The following TRPC5 variants were observed in gnomAD, a reference collection of about 807,000 sequenced individuals.
The protein encoded by TRPC5 is transient receptor potential cation channel subfamily C member 5, also known as short transient receptor potential channel 5.
TRPC5 carries 9 observed loss-of-function variants against 56.5 expected under a neutral mutation model. The observed-to-expected ratio is 0.16, with a 90% CI of 0.10 to 0.28. The LOEUF (loss-of-function observed/expected upper bound fraction) is 0.28. Among genes scored for constraint, TRPC5 ranks in the 10% least tolerant of loss-of-function variants. The probability of loss-of-function intolerance (pLI) is 1.00; values close to 1 mark genes in which losing one functional copy is unlikely to be tolerated. For missense variants in TRPC5, 469 were observed against 748.9 expected, an observed-to-expected ratio of 0.63 and a Z score of 4.36; for synonymous variants, 282 against 278.5, an observed-to-expected ratio of 1.01 and a Z score of -0.13.
chrX:111,839,330 T>C (rs1253296596), intron 6 of TRPC5, among the ~76,000 whole-genome samples: 2 of 111,853 alleles, frequency 1.8e-5, no homozygotes, highest in African/African-American at 6.5e-5. Context: ...CACCCAAGCC[T>C]TGTTCCATAA....
intron 3 of TRPC5, among the ~76,000 whole-genome samples, chrX:111,892,314 G>T (rs1924844426): frequency 1.8e-5 from 2 of 112,530 alleles, no homozygotes; most frequent in African/African-American, 6.4e-5. Flanking sequence ...TTTGGGTGAA[G>T]TCATGCTAGA....
chrX:111,790,182 G>A (rs1460857776), intron 7 of TRPC5, among the ~76,000 whole-genome samples: 1 of 111,888 alleles, frequency 8.9e-6, no homozygotes, highest in Non-Finnish European at 1.9e-5. Flanking sequence ...ATGATAGACT[G>A]GATAAAGAAA....
chrX:112,026,081 G>GC (rs762493968), intron 1 of TRPC5, among the ~76,000 whole-genome samples: 1 of 111,761 alleles, frequency 8.9e-6, no homozygotes, highest in South Asian at 3.8e-4. Flanking sequence ...ATGCATCAGT[G>GC]CCCCTGCACC....
chrX:111,993,224 C>T (rs916773518), intron 1 of TRPC5, among the ~76,000 whole-genome samples: 1 of 111,113 alleles, frequency 9.0e-6, no homozygotes, highest in Non-Finnish European at 1.9e-5. Context: ...CTGCAAAGGA[C>T]ATGAACTCAT....
chrX:112,050,405 T>C (rs1210348886), intron 1 of TRPC5, among the ~76,000 whole-genome samples: 7 of 112,206 alleles, frequency 6.2e-5, no homozygotes, highest in Admixed American at 4.7e-4. Context: ...CCTGCTCTCA[T>C]TTATAGCAGT....
intron 1 of TRPC5, among the ~76,000 whole-genome samples, chrX:111,981,354 G>T (rs1036498274): frequency 9.0e-6 from 1 of 111,371 alleles, no homozygotes; most frequent in Non-Finnish European, 1.9e-5. Context: ...TTTTATTCTA[G>T]TTAGGCCTTC....
chrX:112,033,303 G>T (rs1045908882), intron 1 of TRPC5, among the ~76,000 whole-genome samples: 2 of 107,711 alleles, frequency 1.9e-5, no homozygotes, highest in African/African-American at 6.8e-5. Context: ...CACCAACATG[G>T]CACATGTGTA....
rs944235010 is a variant in TRPC5, at chrX:112,030,031, G to C, written c.-22+51848C>G. Among the ~76,000 whole-genome samples, 5 of 111,663 alleles carry C rather than the reference G, an allele frequency of 4.5e-5. No individual in the cohort carries two copies. In the Admixed American group the frequency reaches 4.7e-4, roughly 11 times the overall value. On this transcript the variant is annotated intron_variant, in intron 1 of 10. Transcript: ENST00000262839. Reference sequence around the variant, plus strand: ...GTAGAGATTGGGTTTCTCCATGTTGGTCAGGCTGGCCTGGCACTCCCAACC... The same window carrying C: ...GTAGAGATTGGGTTTCTCCATGTTGCTCAGGCTGGCCTGGCACTCCCAACC...
At position 111,905,896 on chromosome X, in the gene TRPC5, CAG is replaced by C. The variant is rs1392448289; in HGVS notation, c.900+6393_900+6394del. 7.1e-5 allele frequency among the ~76,000 whole-genome samples: 6 copies of C among 84,077 alleles called. No homozygotes were observed. In the East Asian group the frequency reaches 2.1e-3, roughly 29 times the overall value. 73.0% of individuals were successfully genotyped at this position (84,077 alleles called of 115,157 possible). ...TGCCACTGCACTCCAGCCTGGGCGA[CAG>C]AGCGAGTCTCTGTCTCAAAAAAAAA... On this transcript the variant is annotated intron_variant, in intron 3 of 10. Transcript: ENST00000262839.
intron 2 of TRPC5, among the ~76,000 whole-genome samples, chrX:111,949,415 G>GA (rs750284338): frequency 1.8e-5 from 2 of 111,528 alleles, no homozygotes; most frequent in Non-Finnish European, 3.8e-5. Context: ...CACAGAGTGG[G>GA]AAAAAAATCT....
chrX:112,080,877 G>A (rs764609059), intron 1 of TRPC5, among the ~76,000 whole-genome samples: 3 of 112,115 alleles, frequency 2.7e-5, no homozygotes, highest in African/African-American at 9.7e-5. Flanking sequence ...TAGAAAAGTG[G>A]GTCTGGGTGT....
intron 1 of TRPC5, among the ~76,000 whole-genome samples, chrX:112,024,878 T>C (rs2147714156): frequency 8.9e-6 from 1 of 112,203 alleles, no homozygotes; most frequent in African/African-American, 3.2e-5. Context: ...ATTACTTCCA[T>C]TTAATAAAGA....
intron 4 of TRPC5, among the ~76,000 whole-genome samples, chrX:111,852,858 C>T: frequency 9.0e-6 from 1 of 111,612 alleles, no homozygotes; most frequent in Non-Finnish European, 1.9e-5. Context: ...TTGAGGTGAG[C>T]AAGCTGATCA....
intron 1 of TRPC5, among the ~76,000 whole-genome samples, chrX:112,008,591 C>T (rs1261525582): frequency 2.1e-5 from 2 of 96,326 alleles, no homozygotes; most frequent in Non-Finnish European, 4.0e-5. Flanking sequence ...CAAAGCAAGA[C>T]TCTGTCTCAA....
intron 3 of TRPC5, among the ~76,000 whole-genome samples, chrX:111,860,695 A>G (rs1272769967): frequency 8.9e-6 from 1 of 112,667 alleles, no homozygotes; most frequent in Non-Finnish European, 1.9e-5. Flanking sequence ...TGTGATTAAT[A>G]GCACATATTC....
intron 1 of TRPC5, among the ~76,000 whole-genome samples, chrX:112,073,149 G>A (rs1301888306): frequency 3.6e-5 from 4 of 111,952 alleles, no homozygotes. Flanking sequence ...CATTCTTCCT[G>A]TGGCTCTTCT....
intron 7 of TRPC5, among the ~76,000 whole-genome samples, chrX:111,817,507 G>GT (rs1279140118): frequency 9.1e-6 from 1 of 109,317 alleles, no homozygotes; most frequent in East Asian, 2.9e-4. Flanking sequence ...TGTATTTTTA[G>GT]TAGAGACGGG....
At chrX:112,078,427 G>A (rs1053667649) in intron 1 of TRPC5, among the ~76,000 whole-genome samples, 2 of 111,983 alleles carry the variant, frequency 1.8e-5, no homozygotes, top group African/African-American at 6.5e-5. Context: ...ACAGTACTGG[G>A]TTGTGGTTTT....
intron 2 of TRPC5, among the ~76,000 whole-genome samples, chrX:111,932,949 C>T (rs375023534): frequency 5.4e-5 from 6 of 111,786 alleles, no homozygotes; most frequent in African/African-American, 9.8e-5. Context: ...TTTCCACTCC[C>T]GACATCATTG....
Sources: allele counts gnomAD v4.1 joint callset (sites outside exome capture counted in the v4.1 genomes callset), GRCh38; gene constraint gnomAD v4.1.1; transcripts MANE v1.5; gene names NCBI Gene and HGNC (gene_info 2026-07-23, HGNC 2026-07-21).